Variants in GABRB1 observed in about 807,000 individuals in gnomAD.
The protein encoded by GABRB1 is gamma-aminobutyric acid type A receptor subunit beta1.
GABRB1 carries 17 observed loss-of-function variants against 51.6 expected under a neutral mutation model. That is an observed-to-expected ratio of 0.33 (90% CI 0.23 to 0.49). The LOEUF (loss-of-function observed/expected upper bound fraction) is 0.49, where lower values mean the gene tolerates loss of function less well. Ranked by LOEUF, GABRB1 falls within the 20% of genes least tolerant of loss-of-function variation. The probability of loss-of-function intolerance (pLI) is 0.99; values close to 1 mark genes in which losing one functional copy is unlikely to be tolerated. For missense variants in GABRB1, 410 were observed against 600.6 expected (o/e 0.68, Z 3.32); for synonymous variants, 247 against 218.9 (o/e 1.13, Z -1.14).
intron 5 of GABRB1, among the ~76,000 whole-genome samples, chr4:47,336,020 A>G (rs1725685245): frequency 6.6e-6 from 1 of 152,202 alleles, no homozygotes; most frequent in Non-Finnish European, 1.5e-5. Flanking sequence ...GACATTCAAG[A>G]TCTACACTTA....
intron 3 of GABRB1, among the ~76,000 whole-genome samples, chr4:47,102,141 C>G (rs1385566725): frequency 6.6e-6 from 1 of 151,962 alleles, no homozygotes; most frequent in Admixed American, 6.6e-5. Flanking sequence ...TAAAGGAGCT[C>G]CTCAGTTTCA....
chr4:47,061,263 A>G (rs1166881966), intron 3 of GABRB1, among the ~76,000 whole-genome samples: 1 of 152,178 alleles, frequency 6.6e-6, no homozygotes, highest in Non-Finnish European at 1.5e-5. Context: ...GAAACTAACA[A>G]AGGTGAACTA....
intron 4 of GABRB1, among the ~76,000 whole-genome samples, chr4:47,200,131 T>C (rs934574970): frequency 6.6e-6 from 1 of 152,170 alleles, no homozygotes; most frequent in Non-Finnish European, 1.5e-5. Flanking sequence ...AGTGAGAACA[T>C]GTATGAGATA....
intron 4 of GABRB1, among the ~76,000 whole-genome samples, chr4:47,319,302 G>GTA (rs1724989758): frequency 1.3e-5 from 2 of 151,950 alleles, no homozygotes; most frequent in South Asian, 4.2e-4. Flanking sequence ...ACATTTACTT[G>GTA]TATATATATG....
intron 4 of GABRB1, among the ~76,000 whole-genome samples, chr4:47,228,538 A>G (rs561259089): frequency 2.0e-5 from 3 of 152,226 alleles, no homozygotes; most frequent in African/African-American, 4.8e-5. Flanking sequence ...AGATTAATAG[A>G]TACTTAACAT....
In GABRB1 at chr4:47,361,051, G is replaced by A. The variant is rs1726788359; in HGVS notation, c.544+40842G>A. Among the ~76,000 whole-genome samples, 7 of 152,066 alleles carry A rather than the reference G, an allele frequency of 4.6e-5. 1 individual carries two copies. The highest frequency in any genetic ancestry group is 4.6e-4 in the Admixed American group (7 of 15,232). ...ACTTGATAAAGATCAAACTGCTACT[G>A]GATACTGCGGCCAGAATTTAAACCT... On this transcript the variant is annotated intron_variant, in intron 5 of 8. Transcript: ENST00000295454.
chr4:47,015,428 T>C (rs957619147), intron 1 of GABRB1, among the ~76,000 whole-genome samples: 1 of 152,160 alleles, frequency 6.6e-6, no homozygotes, highest in Non-Finnish European at 1.5e-5. Context: ...TACTGTAATA[T>C]CCTTAATAGA....
At chr4:47,317,853 T>C (rs1724946766) in intron 4 of GABRB1, among the ~76,000 whole-genome samples, 1 of 151,884 alleles carries the variant, frequency 6.6e-6, no homozygotes, top group Admixed American at 6.6e-5. Context: ...CTGATATATA[T>C]ATATATTCAC....
chr4:47,051,369 A>C (rs1216488417), intron 3 of GABRB1, among the ~76,000 whole-genome samples: 1 of 152,216 alleles, frequency 6.6e-6, no homozygotes, highest in Non-Finnish European at 1.5e-5. Flanking sequence ...AGAACCAGAG[A>C]GAAGAGGCAG....
At chr4:47,031,562 G>C (rs1157318805), upstream of GABRB1, 1 of 1,059,594 alleles carries the variant, frequency 9.4e-7, no homozygotes, top group African/African-American at 1.6e-5. Context: ...CGCATGCGCA[G>C]GTCCATTCGG....
intron 4 of GABRB1, among the ~76,000 whole-genome samples, chr4:47,288,707 C>G (rs189036286): frequency 1.2e-4 from 18 of 152,212 alleles, no homozygotes; most frequent in Non-Finnish European, 2.9e-5. Flanking sequence ...TTTATTGAAT[C>G]CTAGTCTTTC....
chr4:47,145,277 C>G (rs767567833), intron 3 of GABRB1, among the ~76,000 whole-genome samples: 2 of 151,976 alleles, frequency 1.3e-5, no homozygotes, highest in Non-Finnish European at 2.9e-5. Flanking sequence ...CAGCTACACG[C>G]AATTTCATTC....
In GABRB1 at chr4:47,425,735, C is replaced by T. The variant is rs539587921; in HGVS notation, c.1142C>T (p.Ser381Leu). The change falls in exon 9 of 9, where the codon TCG (serine) becomes TTG (leucine). Residue 381 changes from serine (S) to leucine (L), a missense_variant. Coordinates refer to ENST00000295454, the MANE Select transcript of GABRB1 (RefSeq NM_000812.4). ...GAAATCCGGAATGAGACGAGTGGCT[C>T]GGAAGTGCTCACGAGCGTGAGCGAC... Reference protein sequence around the residue: ...TLEIRNETSGSEVLTSVSDPK... With the variant: ...TLEIRNETSGLEVLTSVSDPK... The T allele has an allele frequency of 2.0e-5, 32 of 1,614,098 alleles. No homozygotes were observed. Among genetic ancestry groups the T allele is most frequent in the Middle Eastern group, 3.3e-4 (2 of 6,062 alleles).
chr4:47,385,180 T>A (rs995331042), intron 5 of GABRB1, among the ~76,000 whole-genome samples: 3 of 152,222 alleles, frequency 2.0e-5, no homozygotes, highest in Admixed American at 2.0e-4. Flanking sequence ...TGACCTCATC[T>A]GAGACTAGTT....
At chr4:47,330,421 C>T (rs575169830) in intron 5 of GABRB1, among the ~76,000 whole-genome samples, 7 of 152,172 alleles carry the variant, frequency 4.6e-5, no homozygotes, top group African/African-American at 1.4e-4. Context: ...TCTTAAGTAG[C>T]GATATGTGGC....
intron 4 of GABRB1, among the ~76,000 whole-genome samples, chr4:47,277,379 G>C (rs1361708848): frequency 6.6e-6 from 1 of 152,038 alleles, no homozygotes; most frequent in East Asian, 1.9e-4. Context: ...ATAGTGAGGG[G>C]CTGGGGGAGG....
chr4:47,136,705 T>C (rs1247254121), intron 3 of GABRB1, among the ~76,000 whole-genome samples: 1 of 152,086 alleles, frequency 6.6e-6, no homozygotes, highest in African/African-American at 2.4e-5. Flanking sequence ...CCATAGATGA[T>C]ACTATACTTT....
chr4:47,063,720 C>T (rs538614293), intron 3 of GABRB1, among the ~76,000 whole-genome samples: 3 of 152,228 alleles, frequency 2.0e-5, no homozygotes, highest in Admixed American at 6.5e-5. Context: ...TAAAAAGGAA[C>T]GAGATCATGT....
chr4:47,278,871 G>A (rs1166697313), intron 4 of GABRB1, among the ~76,000 whole-genome samples: 7 of 152,078 alleles, frequency 4.6e-5, no homozygotes, highest in South Asian at 2.1e-4. Context: ...GTGACAATTC[G>A]TGACTTAGAT....
Sources: allele counts gnomAD v4.1 joint callset (sites outside exome capture counted in the v4.1 genomes callset), GRCh38; gene constraint gnomAD v4.1.1; transcripts MANE v1.5; gene names NCBI Gene and HGNC (gene_info 2026-07-23, HGNC 2026-07-21).